LY96: variants seen among roughly 807,000 people sequenced by gnomAD.
The protein encoded by LY96 is myeloid differentiation protein-2.
In LY96, 18 loss-of-function variants were observed where a neutral mutation model predicts 18.9. The observed-to-expected ratio is 0.95, with a 90% CI of 0.66 to 1.41. LY96 has a LOEUF of 1.41. Ranked by LOEUF, LY96 falls within the 40% of genes most tolerant of loss-of-function variation. The pLI, the probability that LY96 is intolerant of heterozygous loss-of-function variation, is 0.00. For synonymous variants in LY96, 66 were observed against 62.6 expected (o/e 1.06, Z -0.26); for missense variants, 175 against 182.4 (o/e 0.96, Z 0.23).
intron 1 of LY96, among the ~76,000 whole-genome samples, chr8:74,001,620 G>C (rs1816271328): frequency 6.6e-6 from 1 of 152,004 alleles, no homozygotes; most frequent in Admixed American, 6.6e-5. Context: ...GGGATGCTGA[G>C]GCAGGAAGAT....
At chr8:74,071,395 T>C in the LY96 span, among the ~76,000 whole-genome samples, 1 of 152,150 alleles carries the variant, frequency 6.6e-6, no homozygotes, top group Non-Finnish European at 1.5e-5. Context: ...CAGAGTTAAC[T>C]CTTTAATGTA....
the LY96 span, among the ~76,000 whole-genome samples, chr8:74,068,714 T>G: frequency 6.6e-6 from 1 of 152,216 alleles, no homozygotes; most frequent in Non-Finnish European, 1.5e-5. Context: ...TCCTTATTGG[T>G]CATTCATATG....
At chr8:74,030,781 C>G (rs1816956677), downstream of LY96, among the ~76,000 whole-genome samples, 1 of 152,230 alleles carries the variant, frequency 6.6e-6, no homozygotes, top group African/African-American at 2.4e-5. Context: ...GACTCCAACT[C>G]TGTCCTTACA....
At chr8:74,047,985 A>T in the LY96 span, among the ~76,000 whole-genome samples, 1 of 151,958 alleles carries the variant, frequency 6.6e-6, no homozygotes, top group Non-Finnish European at 1.5e-5. Context: ...TGCAGCTTTG[A>T]CTTCCTTGGC....
the LY96 span, among the ~76,000 whole-genome samples, chr8:74,041,615 G>A: frequency 6.6e-5 from 10 of 152,138 alleles, no homozygotes; most frequent in Non-Finnish European, 1.0e-4. Context: ...ATAAACGGCC[G>A]CTCTGGGAGT....
At chr8:74,010,290 T>C (rs1385866352) in intron 3 of LY96, among the ~76,000 whole-genome samples, 161 bp downstream of exon 3, 1 of 152,210 alleles carries the variant, frequency 6.6e-6, no homozygotes, top group African/African-American at 2.4e-5. Flanking sequence ...TTTATAACTA[T>C]ATACTTGAAC....
chr8:74,058,528 T>C, the LY96 span, among the ~76,000 whole-genome samples: 1 of 151,866 alleles, frequency 6.6e-6, no homozygotes, highest in Non-Finnish European at 1.5e-5. Flanking sequence ...TTTTTCTTTT[T>C]TTTTTTTTTT....
chr8:74,089,934 G>C, the LY96 span, among the ~76,000 whole-genome samples: 1 of 152,156 alleles, frequency 6.6e-6, no homozygotes, highest in East Asian at 1.9e-4. Context: ...GAGAAAGAGT[G>C]GGGAGGACAG....
the LY96 span, among the ~76,000 whole-genome samples, chr8:74,080,984 CTCTTTCTTTCTTTCTTTCTTTCTT>C: frequency 3.9e-3 from 405 of 105,184 alleles, 5 homozygotes; most frequent in East Asian, 0.016. Context: ...TTCTTTCTCT[CTCTTTCTTTCTTTCTTTCTTTCTT>C]TCTTTCTTTC....
At chr8:73,997,405 G>A (rs1354716239) in intron 1 of LY96, among the ~76,000 whole-genome samples, 1 of 152,226 alleles carries the variant, frequency 6.6e-6, no homozygotes, top group East Asian at 1.9e-4. Flanking sequence ...CTCTGCTTCA[G>A]TTCTTGCCAC....
chr8:73,994,750 G>A (rs1816087373), intron 1 of LY96, among the ~76,000 whole-genome samples: 1 of 152,184 alleles, frequency 6.6e-6, no homozygotes, highest in African/African-American at 2.4e-5. Context: ...GCTTCCCAAA[G>A]TGCTGGGATT....
At chr8:74,078,298 G>T in the LY96 span, among the ~76,000 whole-genome samples, 1 of 152,154 alleles carries the variant, frequency 6.6e-6, no homozygotes, top group South Asian at 2.1e-4. Flanking sequence ...GGATTTTCCT[G>T]TGGAGTGTGG....
In LY96 at chr8:73,991,549, A is replaced by C. The variant is rs757782941; in HGVS notation, c.107A>C (p.Tyr36Ser). The C allele has an allele frequency of 6.3e-7, 1 of 1,583,762 alleles. No individual in the cohort carries two copies. ...TCCGATGCAAGTATTTCATACACCT[A>C]CTGTGGTAAGTAAAACCGCAAAACA... ...NSSDASISYT[Y>S]CDKMQYPISI... The change falls in exon 1 of 5, where the codon TAC becomes TCC. Residue 36 changes from tyrosine (Y) to serine (S), a missense_variant. Coordinates refer to ENST00000284818, the MANE Select transcript of LY96 (RefSeq NM_015364.5).
the LY96 span, among the ~76,000 whole-genome samples, chr8:74,036,976 A>G: frequency 6.6e-6 from 1 of 152,184 alleles, no homozygotes; most frequent in African/African-American, 2.4e-5. Context: ...TCTTGGATTA[A>G]AAGATTCTTT....
At chr8:74,099,773 G>C in the LY96 span, 1 of 151,838 alleles carries the variant, frequency 6.6e-6, no homozygotes, top group African/African-American at 2.4e-5. Context: ...CTTCTGACCA[G>C]AGACTACACT....
chr8:74,004,216 C>T (rs1232584152), intron 1 of LY96, among the ~76,000 whole-genome samples: 1 of 152,184 alleles, frequency 6.6e-6, no homozygotes, highest in African/African-American at 2.4e-5. Context: ...CTGTGCTGAG[C>T]AGAGGGGAGG....
the LY96 span, among the ~76,000 whole-genome samples, chr8:74,070,330 A>T: frequency 6.6e-6 from 1 of 152,036 alleles, no homozygotes; most frequent in Non-Finnish European, 1.5e-5. Context: ...TGACCTCGTG[A>T]TCCGCCCGCC....
the LY96 span, among the ~76,000 whole-genome samples, chr8:74,068,082 A>AT: frequency 5.8e-4 from 79 of 135,618 alleles, 3 homozygotes; most frequent in African/African-American, 2.1e-3. Flanking sequence ...AAAAAAAAAA[A>AT]AAAAAAAATA....
At chr8:74,009,374 C>CAAAAAA (rs370593442) in intron 2 of LY96, among the ~76,000 whole-genome samples, 5 of 58,844 alleles carry the variant, frequency 8.5e-5, no homozygotes, top group Non-Finnish European at 1.1e-4. Flanking sequence ...CAGTCTTTCT[C>CAAAAAA]AAAAAAAAAA....
Sources: allele counts gnomAD v4.1 joint callset (sites outside exome capture counted in the v4.1 genomes callset), GRCh38; gene constraint gnomAD v4.1.1; transcripts MANE v1.5; gene names NCBI Gene and HGNC (gene_info 2026-07-23, HGNC 2026-07-21).